The following CNTN1 variants were observed in gnomAD, a reference collection of about 807,000 sequenced individuals.
CNTN1 encodes contactin-1.
Under a neutral mutation model 126.4 loss-of-function variants are expected in CNTN1, and 38 were observed. That is an observed-to-expected ratio of 0.30 (90% CI 0.23 to 0.39). The LOEUF (loss-of-function observed/expected upper bound fraction) is 0.39, where lower values mean the gene tolerates loss of function less well. Among genes scored for constraint, CNTN1 ranks in the 10% least tolerant of loss-of-function variants. CNTN1 has a pLI of 1.00. For synonymous variants in CNTN1, 413 were observed against 422.6 expected, an observed-to-expected ratio of 0.98 and a Z score of 0.28; for missense variants, 1,009 against 1,248.4, an observed-to-expected ratio of 0.81 and a Z score of 2.89.
At chr12:41,068,109 A>G (rs1192828094) in intron 23 of CNTN1, among the ~76,000 whole-genome samples, 1 of 152,208 alleles carries the variant, frequency 6.6e-6, no homozygotes, top group African/African-American at 2.4e-5. Flanking sequence ...CACGGCAGAG[A>G]GGTCAAAAGT....
At chr12:41,016,063 T>C (rs1948772947) in intron 18 of CNTN1, among the ~76,000 whole-genome samples, 1 of 152,222 alleles carries the variant, frequency 6.6e-6, no homozygotes, top group Non-Finnish European at 1.5e-5. Flanking sequence ...GAGTCTTATA[T>C]AACTCTCTTA....
intron 23 of CNTN1, among the ~76,000 whole-genome samples, chr12:41,032,026 G>T (rs773323295): frequency 9.2e-5 from 14 of 152,012 alleles, no homozygotes; most frequent in African/African-American, 3.4e-4. Context: ...TAAGCATTAT[G>T]CTGTTTGTTC....
At chr12:40,992,350 G>C (rs553483093) in intron 16 of CNTN1, among the ~76,000 whole-genome samples, 1 of 152,188 alleles carries the variant, frequency 6.6e-6, no homozygotes, top group Non-Finnish European at 1.5e-5. Flanking sequence ...TAAATGATAA[G>C]ATATTGCGTC....
chr12:40,727,579 A>T (rs1436731075), intron 1 of CNTN1, among the ~76,000 whole-genome samples: 1 of 152,206 alleles, frequency 6.6e-6, no homozygotes, highest in Non-Finnish European at 1.5e-5. Flanking sequence ...TAATAAGATT[A>T]ACTTACATAC....
intron 1 of CNTN1, among the ~76,000 whole-genome samples, chr12:40,806,097 G>A (rs1043813353): frequency 5.7e-4 from 86 of 152,086 alleles, no homozygotes; most frequent in African/African-American, 2.0e-3. Flanking sequence ...GATACTCAGT[G>A]CTAGGTTATA....
intron 1 of CNTN1, among the ~76,000 whole-genome samples, chr12:40,823,266 A>C (rs1044974575): frequency 1.3e-5 from 2 of 152,320 alleles, no homozygotes; most frequent in Non-Finnish European, 2.9e-5. Context: ...AAGGAAAAAA[A>C]TTTGAGAAAA....
intron 1 of CNTN1, among the ~76,000 whole-genome samples, chr12:40,872,571 C>CTT (rs35866838): frequency 0.032 from 3,520 of 108,534 alleles, 154 homozygotes; most frequent in Admixed American, 0.041. Flanking sequence ...TTTTTTCTTT[C>CTT]TTTTTTTTTT....
chr12:40,967,053 C>T (rs772451528), intron 15 of CNTN1, among the ~76,000 whole-genome samples: 25 of 151,940 alleles, frequency 1.6e-4, no homozygotes, highest in African/African-American at 2.7e-4. Context: ...AAAAAATAAT[C>T]GGCCAGGGGA....
intron 1 of CNTN1, among the ~76,000 whole-genome samples, chr12:40,718,075 G>A (rs973258820): frequency 3.9e-5 from 6 of 152,016 alleles, no homozygotes; most frequent in South Asian, 4.2e-4. Context: ...CTCATCTGAC[G>A]GATATCTCTT....
At chr12:40,871,551 G>A (rs1022629037) in intron 1 of CNTN1, among the ~76,000 whole-genome samples, 1 of 152,146 alleles carries the variant, frequency 6.6e-6, no homozygotes, top group Non-Finnish European at 1.5e-5. Context: ...ATGGAGAGAA[G>A]AAGGACAATC....
At chr12:40,747,984 A>G (rs1455411509) in intron 1 of CNTN1, among the ~76,000 whole-genome samples, 2 of 152,122 alleles carry the variant, frequency 1.3e-5, no homozygotes, top group Non-Finnish European at 1.5e-5. Flanking sequence ...AGAGACCCAC[A>G]TTGTGGAGGG....
intron 16 of CNTN1, among the ~76,000 whole-genome samples, chr12:40,988,032 T>A (rs1948006853): frequency 6.6e-6 from 1 of 152,098 alleles, no homozygotes; most frequent in African/African-American, 2.4e-5. Flanking sequence ...GTATTTCCCT[T>A]AGAGAAGGAT....
chr12:40,731,599 A>G (rs1942502388), intron 1 of CNTN1, among the ~76,000 whole-genome samples: 1 of 152,028 alleles, frequency 6.6e-6, no homozygotes, highest in Admixed American at 6.6e-5. Context: ...AGATATACAT[A>G]AAGATTGATG....
chr12:40,806,797 A>T (rs1379867051), intron 1 of CNTN1, among the ~76,000 whole-genome samples: 1 of 152,102 alleles, frequency 6.6e-6, no homozygotes, highest in Admixed American at 6.6e-5. Flanking sequence ...ACCACTAATG[A>T]GACAGTTTGT....
chr12:40,875,127 T>C (rs1356175046), intron 1 of CNTN1, among the ~76,000 whole-genome samples: 1 of 152,140 alleles, frequency 6.6e-6, no homozygotes. Flanking sequence ...TAAACCTCTT[T>C]CCAGATAAAT....
At chr12:40,753,422 A>G (rs1461285828) in intron 1 of CNTN1, among the ~76,000 whole-genome samples, 3 of 152,120 alleles carry the variant, frequency 2.0e-5, no homozygotes, top group African/African-American at 7.2e-5. Context: ...AGACTGGATA[A>G]TTTATAAAGA....
intron 7 of CNTN1, among the ~76,000 whole-genome samples, chr12:40,931,692 C>T (rs1945891088): frequency 6.6e-6 from 1 of 151,922 alleles, no homozygotes; most frequent in Admixed American, 6.6e-5. Flanking sequence ...TTCCACTGAT[C>T]TTCAGGACAG....
chr12:40,739,875 A>T (rs1360154396), intron 1 of CNTN1, among the ~76,000 whole-genome samples: 2 of 152,084 alleles, frequency 1.3e-5, no homozygotes, highest in Non-Finnish European at 2.9e-5. Flanking sequence ...ATCAATAAGA[A>T]GAAAACATAT....
chr12:41,007,293 C>T (rs1371182345), intron 17 of CNTN1, among the ~76,000 whole-genome samples: 2 of 151,906 alleles, frequency 1.3e-5, no homozygotes, highest in African/African-American at 4.8e-5. Context: ...ATCTCCTGAC[C>T]TTGTGATCCG....
Sources: gnomAD v4.1 joint callset for allele counts (sites outside exome capture counted in the v4.1 genomes callset) on GRCh38, gnomAD v4.1.1 for gene constraint, MANE v1.5 for transcripts, NCBI Gene and HGNC (gene_info 2026-07-23, HGNC 2026-07-21) for gene names.